The following TP63 variants were observed in gnomAD, a reference collection of about 807,000 sequenced individuals.
The protein encoded by TP63 is tumor protein 63.
In TP63, 17 loss-of-function variants were observed where a neutral mutation model predicts 82.8. The ratio of observed to expected loss-of-function variants is 0.21; its 90% CI spans 0.14 to 0.31. The LOEUF is 0.31. TP63 is among the 10% of genes least tolerant of loss of function. The pLI is 1.00. For missense variants in TP63, 648 were observed against 895.3 expected (o/e 0.72, Z 3.52); for synonymous variants, 330 against 321.7 (o/e 1.03, Z -0.28).
chr3:189,597,112 G>A, the TP63 span, among the ~76,000 whole-genome samples: 1 of 152,128 alleles, frequency 6.6e-6, no homozygotes, highest in Non-Finnish European at 1.5e-5. Flanking sequence ...AGGGTCCGCG[G>A]CTTCATTCTT....
chr3:189,706,257 T>C (rs1718186657), intron 1 of TP63, among the ~76,000 whole-genome samples: 1 of 152,104 alleles, frequency 6.6e-6, no homozygotes, highest in Non-Finnish European at 1.5e-5. Flanking sequence ...TTTTATTTTA[T>C]TTTATTTTTT....
At chr3:189,802,218 G>C (rs1726388096) in intron 3 of TP63, among the ~76,000 whole-genome samples, 2 of 152,154 alleles carry the variant, frequency 1.3e-5, no homozygotes, top group Admixed American at 1.3e-4. Flanking sequence ...AAGCATAATT[G>C]AATGAATGCT....
Position 189,866,533 on chromosome 3 carries a change from T to C in TP63, c.767-149T>C, listed in dbSNP as rs369717911. On this transcript the variant is annotated intron_variant, in intron 5 of 13. Coordinates refer to ENST00000264731, the MANE Select transcript of TP63 (RefSeq NM_003722.5). ...CCTTCATGTATTTGATATCTGGCTATGGGATCTGTTCGTTTCTTCAAGGAT... is the reference window on the plus strand; with the variant it reads ...CCTTCATGTATTTGATATCTGGCTACGGGATCTGTTCGTTTCTTCAAGGAT... 75 of 700,058 alleles carry C rather than the reference T, an allele frequency of 1.1e-4. No individual in the cohort carries two copies. The African/African-American group carries it at 1.2e-3, about 11-fold the overall frequency. 43.4% of individuals were successfully genotyped at this position (700,058 alleles called of 1,614,324 possible). A position where few individuals can be genotyped will look rare whatever the true frequency, so the allele number is the denominator to read the frequency against.
chr3:189,852,880 A>G (rs1715826365), intron 4 of TP63, among the ~76,000 whole-genome samples: 1 of 151,958 alleles, frequency 6.6e-6, no homozygotes, highest in African/African-American at 2.4e-5. Flanking sequence ...TATTTCATCC[A>G]CAGTTAACAT....
At chr3:189,611,008 G>A in the TP63 span, among the ~76,000 whole-genome samples, 1 of 152,152 alleles carries the variant, frequency 6.6e-6, no homozygotes, top group Non-Finnish European at 1.5e-5. Flanking sequence ...GGAAGGACCT[G>A]CCCCCATCAT....
In TP63 at chr3:189,808,248, T is replaced by G. The variant is rs1183702061; in HGVS notation, c.325-24T>G. 3.1e-6 allele frequency: 5 copies of G among 1,614,222 alleles called. No homozygotes were observed. The South Asian group carries it at 5.5e-5, about 18-fold the overall frequency. ...GATCCGTGGCTTCAGCGGCTAATATTGGGGTTTCTGGGTGTCCTTGCAGCC... is the reference window on the plus strand; with the variant it reads ...GATCCGTGGCTTCAGCGGCTAATATGGGGGTTTCTGGGTGTCCTTGCAGCC... On this transcript the variant is annotated intron_variant, in intron 3 of 13. Transcript: ENST00000264731.
At chr3:189,801,594 C>A (rs1266711148) in intron 3 of TP63, among the ~76,000 whole-genome samples, 1 of 152,090 alleles carries the variant, frequency 6.6e-6, no homozygotes, top group Non-Finnish European at 1.5e-5. Context: ...AATTTTAATA[C>A]CTTTCCCACT....
chr3:189,601,085 A>T, the TP63 span, among the ~76,000 whole-genome samples: 17 of 152,158 alleles, frequency 1.1e-4, no homozygotes, highest in Admixed American at 3.9e-4. Context: ...CTAGAAAGTC[A>T]TTGCTTATTT....
the TP63 span, among the ~76,000 whole-genome samples, chr3:189,602,507 C>T: frequency 1.3e-5 from 2 of 152,174 alleles, no homozygotes; most frequent in East Asian, 1.9e-4. Flanking sequence ...ATCTTTTTTA[C>T]AGGTGGGATT....
At chr3:189,663,188 A>C (rs182678265) in intron 1 of TP63, among the ~76,000 whole-genome samples, 1 of 152,246 alleles carries the variant, frequency 6.6e-6, no homozygotes, top group Non-Finnish European at 1.5e-5. Context: ...ACTGTTGACA[A>C]ATATCAGTAA....
At chr3:189,825,519 T>A (rs1729245937) in intron 4 of TP63, among the ~76,000 whole-genome samples, 1 of 152,208 alleles carries the variant, frequency 6.6e-6, no homozygotes, top group Non-Finnish European at 1.5e-5. Context: ...CATGGATATT[T>A]GCTTCAAAAT....
chr3:189,694,340 G>T (rs1284796418), intron 1 of TP63, among the ~76,000 whole-genome samples: 1 of 152,084 alleles, frequency 6.6e-6, no homozygotes, highest in Non-Finnish European at 1.5e-5. Flanking sequence ...TTTAACTAAA[G>T]TTCATGCTTT....
At chr3:189,668,838 C>A (rs1714636104) in intron 1 of TP63, among the ~76,000 whole-genome samples, 1 of 151,858 alleles carries the variant, frequency 6.6e-6, no homozygotes, top group African/African-American at 2.4e-5. Context: ...CACAAGGAGA[C>A]CTTATCTCTA....
intron 3 of TP63, among the ~76,000 whole-genome samples, chr3:189,742,342 A>G (rs1297333259): frequency 1.3e-5 from 2 of 151,780 alleles, no homozygotes; most frequent in Admixed American, 6.6e-5. Context: ...CATGAGGTAG[A>G]TAATAATATT....
intron 3 of TP63, among the ~76,000 whole-genome samples, chr3:189,743,415 T>C (rs1721141790): frequency 6.6e-6 from 1 of 152,156 alleles, no homozygotes; most frequent in Non-Finnish European, 1.5e-5. Context: ...TTTATTTAAT[T>C]TTAAAGACAC....
rs1401085490 is a variant in TP63 at position 189,889,615 on chromosome 3, T to C, written c.1652+131T>C. 3 of 1,245,386 alleles carry C rather than the reference T, an allele frequency of 2.4e-6. No individual in the cohort carries two copies. The East Asian group carries it at 7.1e-5, about 30-fold the overall frequency. 77.1% of individuals were successfully genotyped at this position (1,245,386 alleles called of 1,614,324 possible). A position where few individuals can be genotyped will look rare whatever the true frequency, so the allele number is the denominator to read the frequency against. On this transcript the variant is annotated intron_variant, in intron 12 of 13. Coordinates refer to ENST00000264731, the MANE Select transcript of TP63 (RefSeq NM_003722.5). ...TCCTGTGGTTGGAGTTCAGTCACTA[T>C]TATCTCTGATCTGTGGAGTGGTCAA...
chr3:189,748,241 AGAG>A (rs1721523381), intron 3 of TP63, among the ~76,000 whole-genome samples: 1 of 152,040 alleles, frequency 6.6e-6, no homozygotes. Flanking sequence ...AGACTGGAAA[AGAG>A]GAAGTCAAAT....
At chr3:189,650,063 A>G (rs1159991141) in intron 1 of TP63, among the ~76,000 whole-genome samples, 1 of 146,892 alleles carries the variant, frequency 6.8e-6, no homozygotes, top group African/African-American at 2.6e-5. Flanking sequence ...TCAAGCACAC[A>G]TTTCAAAAGT....
At chr3:189,890,435 G>A (rs1720898954) in intron 12 of TP63, among the ~76,000 whole-genome samples, 1 of 152,170 alleles carries the variant, frequency 6.6e-6, no homozygotes, top group African/African-American at 2.4e-5. Context: ...TTTTTGAAGT[G>A]TAGAGCCAAG....
Sources: gnomAD v4.1 joint callset for allele counts (sites outside exome capture counted in the v4.1 genomes callset) on GRCh38, gnomAD v4.1.1 for gene constraint, MANE v1.5 for transcripts, NCBI Gene and HGNC (gene_info 2026-07-23, HGNC 2026-07-21) for gene names.